MEGF6: variants seen among roughly 807,000 people sequenced by gnomAD.
MEGF6 encodes the protein multiple EGF like domains 6.
A neutral mutation model predicts 207.1 loss-of-function variants in MEGF6; 184 were observed. The ratio of observed to expected loss-of-function variants is 0.89; its 90% CI spans 0.79 to 1.00. The LOEUF (loss-of-function observed/expected upper bound fraction) is 1.00. MEGF6 is among the 50% of genes least tolerant of loss of function. MEGF6 has a pLI of 0.00. For synonymous variants in MEGF6, 1,038 were observed against 910.0 expected (o/e 1.14, Z -2.53); for missense variants, 2,282 against 2,202.9 (o/e 1.04, Z -0.72).
rs756580854 is a variant in MEGF6 at position 3,498,505 on chromosome 1, G to A, written c.3224-6C>T. ...GACGTCCCGGGGGAGGCACTCTACA[G>A]GAGCAGAGGCAGGCACGAGGGTGAG... On this transcript the variant is annotated splice_region_variant and splice_polypyrimidine_tract_variant and intron_variant, in intron 25 of 36. Coordinates refer to ENST00000356575, the MANE Select transcript of MEGF6 (RefSeq NM_001409.4). 8.3e-6 allele frequency: 13 copies of A among 1,567,860 alleles called. No homozygotes were observed. The highest frequency in any genetic ancestry group is 2.7e-5 in the African/African-American group (2 of 74,076).
chr1:3,542,891 C>T lies in MEGF6; in HGVS notation c.482-18645G>A, dbSNP rs1004110256. On this transcript the variant is annotated intron_variant, in intron 4 of 36. Transcript: ENST00000356575. ...GAGGTGAGCTCGGGGCCAGGCAGCC[C>T]GGGCAGGAGCTCTACAGAGGAGCCT... Among the ~76,000 whole-genome samples, 11 of 152,336 alleles carry T rather than the reference C, an allele frequency of 7.2e-5. 1 individual carries two copies. The South Asian group carries it at 1.0e-3, about 14-fold the overall frequency.
intron 7 of MEGF6, 44 bp from the exon 8 acceptor site, chr1:3,512,172 G>A (rs1000696804): frequency 1.3e-6 from 2 of 1,561,218 alleles, no homozygotes; most frequent in East Asian, 2.3e-5. Context: ...GTGCCAGGAA[G>A]GGCCTTTGCA....
In MEGF6 at chr1:3,560,781, G is replaced by T. The variant is rs764479566; in HGVS notation, c.481+19044C>A. 3.0e-5 allele frequency: 14 copies of T among 473,880 alleles called. 1 individual carries two copies. In the Middle Eastern group the frequency reaches 4.6e-3, roughly 156 times the overall value. 29.4% of individuals were successfully genotyped at this position (473,880 alleles called of 1,614,324 possible). On this transcript the variant is annotated intron_variant, in intron 4 of 36. Transcript: ENST00000356575. The surrounding 1 kb of genome is among the most constrained non-coding windows in gnomAD (Gnocchi z 4.0). Reference sequence around the variant, plus strand: ...CCACTCTGGATTTCCAGGGTCACCCGGCAGTCCCCTCTGGCAGCCACCGGA... The same window carrying T: ...CCACTCTGGATTTCCAGGGTCACCCTGCAGTCCCCTCTGGCAGCCACCGGA...
At chr1:3,549,489 G>C (rs138068330) in intron 4 of MEGF6, among the ~76,000 whole-genome samples, 4 of 152,346 alleles carry the variant, frequency 2.6e-5, no homozygotes, top group Non-Finnish European at 5.9e-5. Flanking sequence ...CTCCAGTCTA[G>C]GCGAGAAGAT....
chr1:3,624,018 C>A, the MEGF6 span, among the ~76,000 whole-genome samples: 40 of 152,188 alleles, frequency 2.6e-4, no homozygotes, highest in African/African-American at 9.4e-4. Flanking sequence ...CTAAACCGTC[C>A]ATCTTTACAA....
chr1:3,541,378 G>A (rs2101508865), intron 4 of MEGF6, among the ~76,000 whole-genome samples: 1 of 152,384 alleles, frequency 6.6e-6, no homozygotes, highest in Middle Eastern at 3.4e-3. Context: ...AGCCTCCCCA[G>A]GAGACTCCCG....
rs538604168 is a variant in MEGF6, at chr1:3,540,465, A to G, written c.482-16219T>C. ...CTTTGCAACCGGAAGGCCCAGGTTC[A>G]GGCCTGGGCTCCAGGGCCCATGGGC... On this transcript the variant is annotated intron_variant, in intron 4 of 36. Transcript: ENST00000356575. 3.0e-3 allele frequency among the ~76,000 whole-genome samples: 461 copies of G among 152,350 alleles called. 4 individuals are homozygous for G. Among genetic ancestry groups the G allele is most frequent in the African/African-American group, 0.01 (436 of 41,596 alleles).
chr1:3,561,552 C>A (rs922577276), intron 4 of MEGF6, among the ~76,000 whole-genome samples: 1 of 152,190 alleles, frequency 6.6e-6, no homozygotes, highest in Non-Finnish European at 1.5e-5. Context: ...GGACCATGCA[C>A]CCCGCAGGGA....
intron 4 of MEGF6, among the ~76,000 whole-genome samples, chr1:3,575,390 A>G (rs1164777777): frequency 1.3e-5 from 2 of 152,302 alleles, no homozygotes; most frequent in South Asian, 2.1e-4. Context: ...GCAGACCCAC[A>G]GGGCAAGGAA....
At chr1:3,531,542 A>T in intron 4 of MEGF6, 1 of 859,024 alleles carries the variant, frequency 1.2e-6, no homozygotes, top group Non-Finnish European at 1.3e-6. Context: ...CACCTCCCCC[A>T]GGGGGCCGCG....
intron 4 of MEGF6, among the ~76,000 whole-genome samples, chr1:3,552,654 C>T (rs1642922809): frequency 6.6e-6 from 1 of 152,208 alleles, no homozygotes; most frequent in African/African-American, 2.4e-5. Context: ...GGTATGGTCA[C>T]ACCACGGCAC....
chr1:3,557,990 T>G (rs1378795317), intron 4 of MEGF6, among the ~76,000 whole-genome samples: 2 of 152,188 alleles, frequency 1.3e-5, no homozygotes, highest in Non-Finnish European at 1.5e-5. Context: ...CAGAGCCCTC[T>G]GCATAGGAAG....
chr1:3,539,640 C>G (rs573000751), intron 4 of MEGF6, among the ~76,000 whole-genome samples: 1 of 152,184 alleles, frequency 6.6e-6, no homozygotes, highest in Non-Finnish European at 1.5e-5. Context: ...CCTGGGAAAC[C>G]AAGCTGGGGC....
intron 13 of MEGF6, 110 bp from the exon 14 acceptor site, chr1:3,508,033 G>T: frequency 8.0e-7 from 1 of 1,253,190 alleles, no homozygotes. Flanking sequence ...GAGATAAAAT[G>T]ATGGCACTTG....
Position 3,522,866 on chromosome 1 carries a change from G to A in MEGF6, c.604+1258C>T, listed in dbSNP as rs537208118. On this transcript the variant is annotated intron_variant, in intron 5 of 36. Coordinates refer to ENST00000356575, the MANE Select transcript of MEGF6 (RefSeq NM_001409.4). Reference sequence around the variant, plus strand: ...GCCCCCCAAGAGCTGCCTCTTCCAGGGGGCCTGAGGGGACCAGGGGGTGCA... The same window carrying A: ...GCCCCCCAAGAGCTGCCTCTTCCAGAGGGCCTGAGGGGACCAGGGGGTGCA... Among the ~76,000 whole-genome samples, 5 of 152,288 alleles carry A rather than the reference G, an allele frequency of 3.3e-5. No individual in the cohort carries two copies. The East Asian group carries it at 7.7e-4, about 24-fold the overall frequency.
intron 1 of MEGF6, 87 bp from the exon 2 acceptor site, chr1:3,602,687 G>A: frequency 6.6e-7 from 1 of 1,508,238 alleles, no homozygotes; most frequent in Non-Finnish European, 8.9e-7. Flanking sequence ...TTGGGTGTCA[G>A]CTCATCTGGA....
intron 35 of MEGF6, among the ~76,000 whole-genome samples, chr1:3,491,777 G>GC (rs1005562895): frequency 1.1e-5 from 1 of 94,258 alleles, no homozygotes; most frequent in African/African-American, 8.5e-5. Context: ...TGCGGGGGTG[G>GC]GGGGGGGGGT....
chr1:3,524,021 C>T lies in MEGF6; in HGVS notation c.604+103G>A, dbSNP rs993805753. On this transcript the variant is annotated intron_variant, in intron 5 of 36. Transcript: ENST00000356575. ...GCCACTGCCAGAGCGGCCTCTGCCT[C>T]TCCATGTCCACAGCCACCCTCTCAG... is the stretch of plus-strand genomic sequence containing the variant. 3 of 1,372,666 alleles carry T rather than the reference C, an allele frequency of 2.2e-6. No individual in the cohort carries two copies. In the African/African-American group the frequency reaches 4.3e-5, roughly 20 times the overall value. 85.0% of individuals were successfully genotyped at this position (1,372,666 alleles called of 1,614,324 possible).
At chr1:3,597,557 A>G (rs1384735183) in intron 2 of MEGF6, among the ~76,000 whole-genome samples, 3 of 152,226 alleles carry the variant, frequency 2.0e-5, no homozygotes, top group Non-Finnish European at 4.4e-5. Flanking sequence ...ACATGAGGTC[A>G]TTCACAGTGG....
Sources: allele counts gnomAD v4.1 joint callset (sites outside exome capture counted in the v4.1 genomes callset), GRCh38; gene constraint gnomAD v4.1.1; non-coding constraint Gnocchi (gnomAD v3.1); transcripts MANE v1.5; gene names NCBI Gene and HGNC (gene_info 2026-07-23, HGNC 2026-07-21).